The following ROBO2 variants were observed in gnomAD, a reference collection of about 807,000 sequenced individuals.
The protein encoded by ROBO2 is roundabout homolog 2.
In ROBO2, 53 loss-of-function variants were observed where a neutral mutation model predicts 160.8. The ratio of observed to expected loss-of-function variants is 0.33; its 90% CI spans 0.26 to 0.41. ROBO2 has a LOEUF of 0.41. ROBO2 is among the 10% of genes least tolerant of loss of function. The pLI, the probability that ROBO2 is intolerant of heterozygous loss-of-function variation, is 1.00. For synonymous variants in ROBO2, 664 were observed against 611.7 expected, an observed-to-expected ratio of 1.09 and a Z score of -1.26; for missense variants, 1,577 against 1,722.4, an observed-to-expected ratio of 0.92 and a Z score of 1.49.
At chr3:76,263,059 C>A (rs1006200910) in intron 2 of ROBO2, among the ~76,000 whole-genome samples, 2 of 152,088 alleles carry the variant, frequency 1.3e-5, no homozygotes, top group Non-Finnish European at 2.9e-5. Flanking sequence ...CCCAAGAAAT[C>A]TCCCGAATAT....
chr3:77,056,363 A>T (rs1433738221), intron 1 of ROBO2, among the ~76,000 whole-genome samples: 1 of 152,214 alleles, frequency 6.6e-6, no homozygotes, highest in Non-Finnish European at 1.5e-5. Context: ...GTTGGATGAG[A>T]TTCACTAGGA....
At chr3:76,498,494 T>C (rs953059480) in intron 2 of ROBO2, among the ~76,000 whole-genome samples, 2 of 151,952 alleles carry the variant, frequency 1.3e-5, no homozygotes, top group African/African-American at 4.8e-5. Flanking sequence ...AGGTAACATA[T>C]ATGTTAATTA....
intron 2 of ROBO2, among the ~76,000 whole-genome samples, chr3:76,220,596 T>A (rs1489511802): frequency 6.6e-6 from 1 of 152,200 alleles, no homozygotes. Flanking sequence ...AATTAATTCC[T>A]GTTCCTTATA....
chr3:76,054,154 T>C (rs1474182733), intron 2 of ROBO2, among the ~76,000 whole-genome samples: 2 of 152,162 alleles, frequency 1.3e-5, no homozygotes, highest in Non-Finnish European at 2.9e-5. Context: ...ATTTTATATG[T>C]AATTACAATA....
chr3:76,630,769 TA>T (rs1348516706), intron 2 of ROBO2, among the ~76,000 whole-genome samples: 1 of 152,212 alleles, frequency 6.6e-6, no homozygotes, highest in Non-Finnish European at 1.5e-5. Flanking sequence ...AATGTTTTTT[TA>T]AAAACACAGA....
rs2089229703 is a variant in ROBO2, at chr3:76,622,253, A to AGAAAGAAAGAAG, written c.110-475750_110-475749insGGAAAGAAAGAA. Among the ~76,000 whole-genome samples the AGAAAGAAAGAAG allele has an allele frequency of 5.7e-4, 33 of 57,546 alleles. 3 individuals carry two copies. The highest frequency in any genetic ancestry group is 9.2e-4 in the South Asian group (1 of 1,086). 37.8% of individuals were successfully genotyped at this position (57,546 alleles called of 152,430 possible). A position where few individuals can be genotyped will look rare whatever the true frequency, so the allele number is the denominator to read the frequency against. ...AAGGAAGGAAGAAAGAAAGAAAGAA[A>AGAAAGAAAGAAG]GAAAGAAAGAAAGAAAGAAAGAAAG... On this transcript the variant is annotated intron_variant, in intron 2 of 26. Transcript: ENST00000487694.
chr3:77,163,865 G>A (rs1370243807), intron 2 of ROBO2, among the ~76,000 whole-genome samples: 3 of 152,050 alleles, frequency 2.0e-5, no homozygotes, highest in African/African-American at 7.2e-5. Context: ...GTCAAAAATG[G>A]TTTCTCTCAA....
chr3:76,992,639 A>G (rs1386447685), intron 2 of ROBO2, among the ~76,000 whole-genome samples: 1 of 151,692 alleles, frequency 6.6e-6, no homozygotes, highest in Non-Finnish European at 1.5e-5. Context: ...CCTAAAAATA[A>G]GAATTTTTTT....
rs532583162 is a variant in ROBO2 at position 76,371,002 on chromosome 3, A to T, written c.109+433400A>T. Among the ~76,000 whole-genome samples, 8 of 151,952 alleles carry T rather than the reference A, an allele frequency of 5.3e-5. No homozygotes were observed. In the South Asian group the frequency reaches 1.7e-3, roughly 31 times the overall value. ...TTCTCTCATTGCACTCACCCTAGAA[A>T]AGGATGCCTCCCCCATGAGTAGTTA... is the stretch of plus-strand genomic sequence containing the variant. On this transcript the variant is annotated intron_variant, in intron 2 of 26. Coordinates refer to the ROBO2 transcript ENST00000487694.
intron 2 of ROBO2, among the ~76,000 whole-genome samples, chr3:76,094,376 A>G (rs1345966005): frequency 1.3e-5 from 2 of 152,206 alleles, no homozygotes; most frequent in African/African-American, 4.8e-5. Context: ...CCAACAACAC[A>G]GTGCCACTAA....
In ROBO2 at chr3:76,909,551, A is replaced by C. The variant is rs1309849735; in HGVS notation, c.110-188463A>C. On this transcript the variant is annotated intron_variant, in intron 2 of 26. Coordinates refer to the ROBO2 transcript ENST00000487694. The stretch of plus-strand genomic sequence containing the variant: ...CCAAACCTCTCCCCTCAAAAAACTG[A>C]AACAAAAAAAATAATAATTTTTTCA... Among the ~76,000 whole-genome samples, 4 of 152,032 alleles carry C rather than the reference A, an allele frequency of 2.6e-5. No individual in the cohort carries two copies. The East Asian group carries it at 7.7e-4, about 29-fold the overall frequency.
At chr3:77,310,416 G>A (rs1228123587) in intron 2 of ROBO2, among the ~76,000 whole-genome samples, 1 of 152,082 alleles carries the variant, frequency 6.6e-6, no homozygotes, top group East Asian at 1.9e-4. Context: ...TGTGTCTTGA[G>A]AACTCTAAAG....
At chr3:77,294,125 C>CTAAAGACATAAAGTAAAATTGA (rs2061692589) in intron 2 of ROBO2, among the ~76,000 whole-genome samples, 2 of 136,132 alleles carry the variant, frequency 1.5e-5, no homozygotes, top group African/African-American at 2.7e-5. Context: ...GGCTAGATCA[C>CTAAAGACATAAAGTAAAATTGA]CCCAGACATA....
At chr3:76,427,746 G>T (rs1213942698) in intron 2 of ROBO2, among the ~76,000 whole-genome samples, 1 of 152,074 alleles carries the variant, frequency 6.6e-6, no homozygotes, top group Non-Finnish European at 1.5e-5. Flanking sequence ...AATGATTACG[G>T]TTATATTTTT....
chr3:77,504,145 A>G (rs1248256411), intron 5 of ROBO2, among the ~76,000 whole-genome samples: 3 of 152,330 alleles, frequency 2.0e-5, no homozygotes, highest in East Asian at 3.9e-4. Context: ...GAAGTGATTC[A>G]TCATATAGAC....
chr3:77,289,964 C>G (rs1267041676), intron 2 of ROBO2, among the ~76,000 whole-genome samples: 1 of 151,750 alleles, frequency 6.6e-6, no homozygotes, highest in Non-Finnish European at 1.5e-5. Context: ...TCACCCCAGA[C>G]ATTAAGTAAA....
intron 2 of ROBO2, among the ~76,000 whole-genome samples, chr3:77,324,139 C>T (rs548692527): frequency 7.9e-5 from 12 of 152,170 alleles, no homozygotes; most frequent in Non-Finnish European, 1.6e-4. Flanking sequence ...CAGTTCTAAT[C>T]TCAACACAGT....
Position 77,051,175 on chromosome 3 carries a change from A to T in ROBO2, c.61+10329A>T, listed in dbSNP as rs1578538840. 2.0e-5 allele frequency among the ~76,000 whole-genome samples: 3 copies of T among 152,190 alleles called. No individual in the cohort carries two copies. In the East Asian group the frequency reaches 5.8e-4, roughly 29 times the overall value. ...ATCATGAAACATGTAAATACATTTC[A>T]TAGCTAAGTATGTTTTTAAGTGTTT... On this transcript the variant is annotated intron_variant, in intron 1 of 25. Transcript: ENST00000461745.
At chr3:77,370,098 A>G (rs2071512958) in intron 2 of ROBO2, among the ~76,000 whole-genome samples, 1 of 152,214 alleles carries the variant, frequency 6.6e-6, no homozygotes. Flanking sequence ...TGTTTCTGAA[A>G]TAATGGTTGG....
Sources: gnomAD v4.1 joint callset for allele counts (sites outside exome capture counted in the v4.1 genomes callset) on GRCh38, gnomAD v4.1.1 for gene constraint, MANE v1.5 for transcripts, NCBI Gene and HGNC (gene_info 2026-07-23, HGNC 2026-07-21) for gene names.